Variants in SKI observed in about 807,000 individuals in gnomAD.
The protein encoded by SKI is SKI proto-oncogene, also known as ski oncogene.
A neutral mutation model predicts 59.3 loss-of-function variants in SKI; 23 were observed. That is an observed-to-expected ratio of 0.39 (90% confidence interval 0.28 to 0.55). The LOEUF (loss-of-function observed/expected upper bound fraction) is 0.55. SKI is among the 20% of genes least tolerant of loss of function. SKI has a pLI of 0.67. For synonymous variants in SKI, 673 were observed against 488.6 expected, an observed-to-expected ratio of 1.38 and a Z score of -4.98; for missense variants, 1,017 against 1,038.9, an observed-to-expected ratio of 0.98 and a Z score of 0.29.
intron 1 of SKI, chr1:2,240,485 G>A: frequency 1.0e-6 from 1 of 985,426 alleles, no homozygotes; most frequent in South Asian, 4.7e-5. Context: ...CCCATGAGGA[G>A]GTCCCGTGGG....
intron 1 of SKI, among the ~76,000 whole-genome samples, chr1:2,275,606 G>C (rs1254578355): frequency 1.3e-5 from 2 of 152,030 alleles, no homozygotes; most frequent in Non-Finnish European, 2.9e-5. Context: ...CTCCGCTCCC[G>C]GGTTCACGCC....
rs776550846 is a variant in SKI at position 2,303,146 on chromosome 1, G to C, written c.1095+43G>C. On this transcript the variant is annotated intron_variant, in intron 2 of 6. Coordinates refer to ENST00000378536, the MANE Select transcript of SKI (RefSeq NM_003036.4). This position sits in a 1 kb window ranked among gnomAD's most constrained non-coding sequence, Gnocchi z 5.6. ...GGGGTCCTTGGGGTGGTGGGTACTG[G>C]GCCCTTCTCCTTGGGCAGACCCAGC... 1.2e-6 allele frequency: 2 copies of C among 1,611,944 alleles called. No individual in the cohort carries two copies. Among genetic ancestry groups the C allele is most frequent in the Non-Finnish European group, 8.5e-7 (1 of 1,179,526 alleles).
intron 1 of SKI, among the ~76,000 whole-genome samples, chr1:2,235,783 G>T (rs531228288): frequency 3.7e-4 from 56 of 152,224 alleles, no homozygotes. Flanking sequence ...TCCAGACTAG[G>T]ACCAGATGGA....
At position 2,265,893 on chromosome 1, in the gene SKI, G is replaced by A. The variant is rs371446100; in HGVS notation, c.969+36158G>A. On this transcript the variant is annotated intron_variant, in intron 1 of 6. Transcript: ENST00000378536. Reference sequence around the variant, plus strand: ...TGAGGTGGGAGGATCATTTGAACCCGGGAGGTGGAGGTTGCAGTGAGCTTC... The same window carrying A: ...TGAGGTGGGAGGATCATTTGAACCCAGGAGGTGGAGGTTGCAGTGAGCTTC... Among the ~76,000 whole-genome samples, 9 of 152,206 alleles carry A rather than the reference G, an allele frequency of 5.9e-5. 1 individual carries two copies. In the East Asian group the frequency reaches 1.4e-3, roughly 23 times the overall value.
At chr1:2,300,892 G>A (rs1360021206) in intron 1 of SKI, among the ~76,000 whole-genome samples, 2 of 152,250 alleles carry the variant, frequency 1.3e-5, no homozygotes, top group South Asian at 2.1e-4. Flanking sequence ...TCGGGGCCCC[G>A]GGCCTACGGT....
Position 2,269,815 on chromosome 1 carries a change from G to T in SKI, c.970-33163G>T, listed in dbSNP as rs1639577308. Among the ~76,000 whole-genome samples the T allele has an allele frequency of 6.6e-6, 1 of 151,902 alleles. No homozygotes were observed. The highest frequency in any genetic ancestry group is 1.5e-5 in the Non-Finnish European group (1 of 67,958). On this transcript the variant is annotated intron_variant, in intron 1 of 6. Transcript: ENST00000378536. The surrounding 1 kb of genome is among the most constrained non-coding windows in gnomAD (Gnocchi z 4.7). ...GGCTGGCGTGGGTCTGGCGGGTCTG[G>T]TGGTGCCTGTGGCTGGCGTGGGTCT...
rs1398636338 is a variant in SKI at position 2,306,643 on chromosome 1, C to T, written c.2065C>T (p.Leu689=). The T allele has an allele frequency of 1.3e-6, 2 of 1,544,892 alleles. No homozygotes were observed. Among genetic ancestry groups the T allele is most frequent in the East Asian group, 2.5e-5 (1 of 40,690 alleles). Reference sequence around the variant, plus strand: ...CCGGGAGCAGCTGCGGGCCGACCTGCTGCGGGAGCGCGAGGCCCGGGAGCA... The same window carrying T: ...CCGGGAGCAGCTGCGGGCCGACCTGTTGCGGGAGCGCGAGGCCCGGGAGCA... ...ADREQLRADL[L]REREAREHLE... Residue 689 remains leucine, a synonymous_variant, in exon 7 of 7, where the codon CTG becomes TTG. Transcript: ENST00000378536.
chr1:2,234,921 A>AG (rs935670140), intron 1 of SKI, among the ~76,000 whole-genome samples: 3 of 151,824 alleles, frequency 2.0e-5, no homozygotes, highest in Non-Finnish European at 4.4e-5. Context: ...GGTGTCATGG[A>AG]GGGGGGGCTG....
At chr1:2,242,065 T>C (rs263526) in intron 1 of SKI, among the ~76,000 whole-genome samples, 51,418 of 151,996 alleles carry the variant, frequency 0.34, 8,949 homozygotes, top group Admixed American at 0.4. Flanking sequence ...CAATATCTTG[T>C]TGGGAGGCAG....
At chr1:2,231,504 C>CT (rs1557808814) in intron 1 of SKI, among the ~76,000 whole-genome samples, 1 of 152,208 alleles carries the variant, frequency 6.6e-6, no homozygotes, top group Non-Finnish European at 1.5e-5. Flanking sequence ...GCTTCTCTCT[C>CT]CCTGTGGTTG....
Position 2,303,002 on chromosome 1 carries a change from A to T in SKI, c.994A>T (p.Ile332Leu). ...GGTCTCCTCTGAGCCTCCGGCCTCC[A>T]TAAGACCCAAAACAGATGACACCTC... ...PRVSSEPPASIRPKTDDTSSQ... is the reference protein window; with the variant it reads ...PRVSSEPPASLRPKTDDTSSQ... The change falls in exon 2 of 7, where the codon ATA (isoleucine) becomes TTA (leucine). Residue 332 changes from isoleucine to leucine, a missense_variant. Transcript: ENST00000378536. The surrounding 1 kb of genome is among the most constrained non-coding windows in gnomAD (Gnocchi z 5.6). 1 of 1,613,682 alleles carries T rather than the reference A, an allele frequency of 6.2e-7. No individual in the cohort carries two copies. Among genetic ancestry groups the T allele is most frequent in the Non-Finnish European group, 8.5e-7 (1 of 1,180,018 alleles).
intron 1 of SKI, among the ~76,000 whole-genome samples, chr1:2,285,407 A>G (rs964916272): frequency 6.6e-5 from 10 of 151,542 alleles, no homozygotes; most frequent in Middle Eastern, 3.4e-3. Flanking sequence ...CCCAGCTACT[A>G]GGGAGGCTGA....
intron 1 of SKI, among the ~76,000 whole-genome samples, chr1:2,296,027 C>T (rs142328950): frequency 8.7e-4 from 132 of 152,248 alleles, no homozygotes; most frequent in African/African-American, 3.0e-3. Flanking sequence ...AATAATTGTA[C>T]GTTCCTCTTA....
intron 1 of SKI, among the ~76,000 whole-genome samples, chr1:2,247,702 C>A (rs1334631308): frequency 1.3e-5 from 2 of 152,212 alleles, no homozygotes; most frequent in Non-Finnish European, 2.9e-5. Flanking sequence ...TTGACTTTTT[C>A]CTGAACCTAG....
intron 1 of SKI, among the ~76,000 whole-genome samples, chr1:2,262,473 A>G (rs1396697153): frequency 1.8e-5 from 2 of 109,504 alleles, no homozygotes; most frequent in African/African-American, 7.3e-5. Context: ...TGATCTCCTG[A>G]TCTGGAAGGC....
chr1:2,246,622 C>T (rs1470961958), intron 1 of SKI, among the ~76,000 whole-genome samples: 1 of 152,044 alleles, frequency 6.6e-6, no homozygotes, highest in Non-Finnish European at 1.5e-5. Context: ...TCAGACTCCC[C>T]ACCCCTCCTT....
chr1:2,259,395 G>A (rs1001263089), intron 1 of SKI, among the ~76,000 whole-genome samples: 2 of 152,184 alleles, frequency 1.3e-5, no homozygotes, highest in Non-Finnish European at 2.9e-5. Flanking sequence ...ATGGAAAAGG[G>A]CATCTCTGAG....
intron 1 of SKI, among the ~76,000 whole-genome samples, chr1:2,248,396 T>G (rs1639044303): frequency 6.6e-6 from 1 of 152,224 alleles, no homozygotes; most frequent in South Asian, 2.1e-4. Flanking sequence ...TTTGTCCGGC[T>G]TTGTCCTAAC....
Position 2,230,027 on chromosome 1 carries a change from G to T in SKI, c.969+292G>T, listed in dbSNP as rs1381737440. Reference sequence around the variant, plus strand: ...GAAGGCCCGCAGGCCCACAGGCATTGCCCAGATAGGAAGGCACAGGCCTCA... The same window carrying T: ...GAAGGCCCGCAGGCCCACAGGCATTTCCCAGATAGGAAGGCACAGGCCTCA... On this transcript the variant is annotated intron_variant, in intron 1 of 6. Coordinates refer to ENST00000378536, the MANE Select transcript of SKI (RefSeq NM_003036.4). Among the ~76,000 whole-genome samples, 3 of 152,236 alleles carry T rather than the reference G, an allele frequency of 2.0e-5. No homozygotes were observed. The East Asian group carries it at 5.8e-4, about 29-fold the overall frequency.
Sources: allele counts gnomAD v4.1 joint callset (sites outside exome capture counted in the v4.1 genomes callset), GRCh38; gene constraint gnomAD v4.1.1; non-coding constraint Gnocchi (gnomAD v3.1); transcripts MANE v1.5; gene names NCBI Gene and HGNC (gene_info 2026-07-23, HGNC 2026-07-21).